VANGL1: variants seen among roughly 807,000 people sequenced by gnomAD.
The protein encoded by VANGL1 is vang-like protein 1.
VANGL1 carries 18 observed loss-of-function variants against 48.4 expected under a neutral mutation model. That is an observed-to-expected ratio of 0.37 (90% confidence interval 0.26 to 0.55). The LOEUF is 0.55. Among genes scored for constraint, VANGL1 ranks in the 20% least tolerant of loss-of-function variants. The pLI is 0.81. For missense variants in VANGL1, 667 were observed against 675.8 expected, an observed-to-expected ratio of 0.99 and a Z score of 0.14; for synonymous variants, 257 against 261.8, an observed-to-expected ratio of 0.98 and a Z score of 0.18.
rs375459125 is a variant in VANGL1 at position 115,691,333 on chromosome 1, A to G, written c.1529A>G (p.Lys510Arg). The G allele has an allele frequency of 9.9e-6, 16 of 1,614,094 alleles. No individual in the cohort carries two copies. The East Asian group carries it at 1.1e-4, about 11-fold the overall frequency. The change falls in exon 8 of 8, where the codon AAA becomes AGA. Residue 510 changes from lysine (K) to arginine (R), a missense_variant. Lys to Arg is a conservative substitution (Grantham distance 26). Coordinates refer to ENST00000355485, the MANE Select transcript of VANGL1 (RefSeq NM_138959.3). ...CTCTCTGAAGAGTTCATAGACCCCA[A>G]ATCTCACAAATTTGTCCTTCGCTTA... ...IILSEEFIDPKSHKFVLRLQS... is the reference protein window; with the variant it reads ...IILSEEFIDPRSHKFVLRLQS...
At chr1:115,690,982 G>A (rs928515125) in intron 7 of VANGL1, 137 bp from the exon 8 acceptor site, 21 of 1,200,860 alleles carry the variant, frequency 1.7e-5, no homozygotes, top group Non-Finnish European at 2.4e-5. Context: ...GGAATTGAGT[G>A]TGATGAGCTG....
chr1:115,644,119 A>G (rs1216477002), intron 1 of VANGL1, among the ~76,000 whole-genome samples: 2 of 152,216 alleles, frequency 1.3e-5, no homozygotes, highest in African/African-American at 4.8e-5. Context: ...ATACTCCTCT[A>G]TATAAACAAA....
chr1:115,673,514 G>A lies in VANGL1; in HGVS notation c.813-8850G>A, dbSNP rs541013909. 5.0e-4 allele frequency among the ~76,000 whole-genome samples: 75 copies of A among 150,900 alleles called. 1 individual carries two copies. The highest frequency in any genetic ancestry group is 1.8e-3 in the African/African-American group (73 of 40,934). On this transcript the variant is annotated intron_variant, in intron 4 of 7. Transcript: ENST00000355485. ...TTCTGGTGGCTGCTGGCAACCCTTCGTGTTCCTTTATGGCTGTGTCACTCC... is the reference window on the plus strand; with the variant it reads ...TTCTGGTGGCTGCTGGCAACCCTTCATGTTCCTTTATGGCTGTGTCACTCC...
At chr1:115,690,009 G>A (rs1242006495) in intron 7 of VANGL1, among the ~76,000 whole-genome samples, 1 of 138,848 alleles carries the variant, frequency 7.2e-6, no homozygotes, top group African/African-American at 2.7e-5. Flanking sequence ...ATATATCCCA[G>A]TATGTTTCTA....
chr1:115,658,256 A>T (rs1233943163), intron 2 of VANGL1, among the ~76,000 whole-genome samples: 2 of 152,182 alleles, frequency 1.3e-5, no homozygotes, highest in African/African-American at 4.8e-5. Context: ...CAAGAAATCT[A>T]CGTTTTCTTA....
intron 7 of VANGL1, among the ~76,000 whole-genome samples, chr1:115,686,526 C>G (rs964066985): frequency 6.6e-6 from 1 of 151,966 alleles, no homozygotes; most frequent in South Asian, 2.1e-4. Context: ...AGGAGGCAAA[C>G]TAGAGTAAAG....
At chr1:115,672,234 C>T (rs929692643) in intron 4 of VANGL1, among the ~76,000 whole-genome samples, 3 of 152,166 alleles carry the variant, frequency 2.0e-5, no homozygotes, top group African/African-American at 7.2e-5. Context: ...CCTTGGCGCT[C>T]TGGGATTAGA....
At chr1:115,663,347 G>A (rs1367265847) in intron 3 of VANGL1, among the ~76,000 whole-genome samples, 1 of 152,162 alleles carries the variant, frequency 6.6e-6, no homozygotes, top group Non-Finnish European at 1.5e-5. Flanking sequence ...ACAGCTCCAG[G>A]CCCTCAGAGC....
Position 115,692,743 on chromosome 1 carries a change from G to C in VANGL1, c.*1364G>C, listed in dbSNP as rs993503576. 1 of 152,386 alleles carries C rather than the reference G, an allele frequency of 6.6e-6. No individual in the cohort carries two copies. The highest frequency in any genetic ancestry group is 2.4e-5 in the African/African-American group (1 of 41,468). The allele number at this position is 152,386 out of a possible 1,614,324, so 9.4% of individuals were successfully genotyped here. ...AGAGGAGCCATCCTGGCGGAGCCCT[G>C]CTGCAGGGGAGCTCCTTCAGGAGCC... On this transcript the variant is annotated 3_prime_UTR_variant, in exon 8 of 8. Coordinates refer to ENST00000355485, the MANE Select transcript of VANGL1 (RefSeq NM_138959.3).
chr1:115,650,148 T>G (rs1012249598), intron 1 of VANGL1, among the ~76,000 whole-genome samples: 1 of 152,194 alleles, frequency 6.6e-6, no homozygotes, highest in African/African-American at 2.4e-5. Flanking sequence ...TATGTGTTGT[T>G]GCTGGGGTCA....
At chr1:115,658,990 C>T (rs1652448108) in intron 2 of VANGL1, among the ~76,000 whole-genome samples, 1 of 152,070 alleles carries the variant, frequency 6.6e-6, no homozygotes, top group Non-Finnish European at 1.5e-5. Flanking sequence ...CACACACCCT[C>T]CACCCCTCTT....
intron 4 of VANGL1, among the ~76,000 whole-genome samples, chr1:115,674,050 G>A (rs1356773731): frequency 1.3e-5 from 2 of 152,190 alleles, no homozygotes; most frequent in African/African-American, 4.8e-5. Flanking sequence ...GTTTCTCCAA[G>A]TTGTGCTGTC....
rs965049156 is a variant in VANGL1, at chr1:115,696,790, C to A, written c.*5411C>A. The A allele has an allele frequency of 2.0e-5, 3 of 152,124 alleles. No homozygotes were observed. Among genetic ancestry groups the A allele is most frequent in the African/African-American group, 7.2e-5 (3 of 41,422 alleles). 9.4% of individuals were successfully genotyped at this position (152,124 alleles called of 1,614,324 possible). On this transcript the variant is annotated 3_prime_UTR_variant, in exon 8 of 8. Transcript: ENST00000355485. ...GTGCAGCACTGTGAAAAGTTTCTTT[C>A]AATATGGCACCAAGACTCTACCATT...
chr1:115,653,309 C>G (rs1652222168), intron 2 of VANGL1, among the ~76,000 whole-genome samples: 1 of 152,182 alleles, frequency 6.6e-6, no homozygotes. Context: ...TGGCAGAGCC[C>G]AGCTCCTGAG....
At chr1:115,651,161 T>C in intron 1 of VANGL1, 116 bp from the exon 2 acceptor site, 1 of 500,680 alleles carries the variant, frequency 2.0e-6, no homozygotes, top group South Asian at 2.1e-5. Context: ...TCACCCTCAC[T>C]CGCTTGTTCC....
rs548271849 is a variant in VANGL1 at position 115,692,498 on chromosome 1, C to G, written c.*1119C>G. Reference sequence around the variant, plus strand: ...ACCGTCACTGTGCAACTCATCGCCTCTGCCACTTAGGACCAGGAAAGAGGC... The same window carrying G: ...ACCGTCACTGTGCAACTCATCGCCTGTGCCACTTAGGACCAGGAAAGAGGC... On this transcript the variant is annotated 3_prime_UTR_variant, in exon 8 of 8. Coordinates refer to ENST00000355485, the MANE Select transcript of VANGL1 (RefSeq NM_138959.3). 108 of 152,866 alleles carry G rather than the reference C, an allele frequency of 7.1e-4. No homozygotes were observed. Among genetic ancestry groups the G allele is most frequent in the African/African-American group, 2.6e-3 (107 of 41,584 alleles). The allele number at this position is 152,866 out of a possible 1,614,324, so 9.5% of individuals were successfully genotyped here.
In VANGL1 at chr1:115,692,870, C is replaced by T. The variant is rs558234836; in HGVS notation, c.*1491C>T. ...TTCACTCTTGCTTTTTCCAGTATTT[C>T]GGTAATCAGCCATCTTGCTGTAGTA... On this transcript the variant is annotated 3_prime_UTR_variant, in exon 8 of 8. Transcript: ENST00000355485. 3.0e-4 allele frequency: 45 copies of T among 152,374 alleles called. No homozygotes were observed. The highest frequency in any genetic ancestry group is 1.1e-3 in the African/African-American group (44 of 41,574). 9.4% of individuals were successfully genotyped at this position (152,374 alleles called of 1,614,324 possible).
At position 115,678,386 on chromosome 1, in the gene VANGL1, C is replaced by T. The variant is rs1273023015; in HGVS notation, c.813-3978C>T. Reference sequence around the variant, plus strand: ...ATGGCTGCTCCCTGCATCCTGGCCTCCCGGGGCTATGACTGAGGCCATGGC... The same window carrying T: ...ATGGCTGCTCCCTGCATCCTGGCCTTCCGGGGCTATGACTGAGGCCATGGC... On this transcript the variant is annotated intron_variant, in intron 4 of 7. Coordinates refer to ENST00000355485, the MANE Select transcript of VANGL1 (RefSeq NM_138959.3). Among the ~76,000 whole-genome samples the T allele has an allele frequency of 5.3e-5, 8 of 152,258 alleles. No individual in the cohort carries two copies. In the East Asian group the frequency reaches 1.5e-3, roughly 29 times the overall value.
chr1:115,682,361 C>T lies in VANGL1; in HGVS notation c.813-3C>T. On this transcript the variant is annotated splice_polypyrimidine_tract_variant and splice_region_variant and intron_variant, in intron 4 of 7. Coordinates refer to ENST00000355485, the MANE Select transcript of VANGL1 (RefSeq NM_138959.3). Reference sequence around the variant, plus strand: ...TGCATTAATTTTGTTCTTTTTTTCTCAGTATCCAGCGAGCAGCATTGGTGG... The same window carrying T: ...TGCATTAATTTTGTTCTTTTTTTCTTAGTATCCAGCGAGCAGCATTGGTGG... 2.5e-6 allele frequency: 4 copies of T among 1,614,030 alleles called. No individual in the cohort carries two copies. Among genetic ancestry groups the T allele is most frequent in the Middle Eastern group, 1.6e-4 (1 of 6,062 alleles).
Sources: gnomAD v4.1 joint callset for allele counts (sites outside exome capture counted in the v4.1 genomes callset) on GRCh38, gnomAD v4.1.1 for gene constraint, MANE v1.5 for transcripts, NCBI Gene and HGNC (gene_info 2026-07-23, HGNC 2026-07-21) for gene names.